BACH2: variants seen among roughly 807,000 people sequenced by gnomAD.
BACH2 encodes the protein BACH transcriptional regulator 2.
Under a neutral mutation model 61.8 loss-of-function variants are expected in BACH2, and 5 were observed. That is an observed-to-expected ratio of 0.08 (90% CI 0.04 to 0.17). The LOEUF (loss-of-function observed/expected upper bound fraction) is 0.17. Among genes scored for constraint, BACH2 ranks in the 10% least tolerant of loss-of-function variants. The pLI, the probability that BACH2 is intolerant of heterozygous loss-of-function variation, is 1.00. For synonymous variants in BACH2, 446 were observed against 440.1 expected (o/e 1.01, Z -0.17); for missense variants, 824 against 1,091.1 (o/e 0.76, Z 3.45).
intron 4 of BACH2, among the ~76,000 whole-genome samples, chr6:90,174,233 A>G (rs1266495154): frequency 6.6e-6 from 1 of 152,058 alleles, no homozygotes; most frequent in Admixed American, 6.5e-5. Context: ...ATGTGTCTAA[A>G]TTTGGGTTAT....
Position 90,039,635 on chromosome 6 carries a change from C to T in BACH2, c.-12-30779G>A, listed in dbSNP as rs938759522. Among the ~76,000 whole-genome samples the T allele has an allele frequency of 2.6e-5, 4 of 152,260 alleles. No individual in the cohort carries two copies. The South Asian group carries it at 6.2e-4, about 24-fold the overall frequency. On this transcript the variant is annotated intron_variant, in intron 5 of 8. Coordinates refer to ENST00000257749, the MANE Select transcript of BACH2 (RefSeq NM_021813.4). ...TCCTGACCTCGTGATCTGCTCGCCT[C>T]GGCCTCCCAAAATGCTGGGATTACA...
intron 6 of BACH2, among the ~76,000 whole-genome samples, chr6:89,984,134 T>C (rs748609235): frequency 1.3e-5 from 2 of 152,140 alleles, no homozygotes; most frequent in Non-Finnish European, 2.9e-5. Flanking sequence ...CCATGTCCTC[T>C]CCATAAACTA....
chr6:89,950,107 CA>C lies in BACH2; in HGVS notation c.1836+162del. 2.5e-6 allele frequency: 2 copies of C among 792,856 alleles called. No individual in the cohort carries two copies. The highest frequency in any genetic ancestry group is 4.2e-6 in the Non-Finnish European group (2 of 476,262). The allele number at this position is 792,856 out of a possible 1,614,324, so 49.1% of individuals were successfully genotyped here. On this transcript the variant is annotated intron_variant, in intron 7 of 8. Transcript: ENST00000257749. This position sits in a 1 kb window ranked among gnomAD's most constrained non-coding sequence, Gnocchi z 5.3. ...AGGACAGAAGTGGTTAATGTGGAAT[CA>C]CCTTCAGCATCCTGCCTCTGTGGAT...
intron 4 of BACH2, among the ~76,000 whole-genome samples, chr6:90,103,474 T>C (rs994112677): frequency 1.3e-5 from 2 of 152,104 alleles, no homozygotes; most frequent in African/African-American, 4.8e-5. Flanking sequence ...GAGAAACAAT[T>C]TAGAAAGAAA....
At chr6:89,987,956 A>T (rs1776333653) in intron 6 of BACH2, among the ~76,000 whole-genome samples, 1 of 152,172 alleles carries the variant, frequency 6.6e-6, no homozygotes, top group South Asian at 2.1e-4. Flanking sequence ...CACTAGCAAA[A>T]CAAAGAGAGC....
At chr6:90,042,082 C>G (rs1779563537) in intron 5 of BACH2, among the ~76,000 whole-genome samples, 1 of 152,168 alleles carries the variant, frequency 6.6e-6, no homozygotes, top group Admixed American at 6.5e-5. Context: ...AGATACTTAC[C>G]TAAACATTGC....
chr6:89,981,681 AT>A (rs1400651103), intron 6 of BACH2, among the ~76,000 whole-genome samples: 3 of 152,210 alleles, frequency 2.0e-5, no homozygotes, highest in Non-Finnish European at 4.4e-5. Flanking sequence ...CGAGAAAATA[AT>A]TCTAGTGGTA....
chr6:90,248,074 T>C (rs542251655), intron 3 of BACH2, among the ~76,000 whole-genome samples: 2 of 152,322 alleles, frequency 1.3e-5, no homozygotes, highest in South Asian at 4.1e-4. Context: ...ACTAATTTTA[T>C]TCCTCATTGT....
chr6:89,985,046 T>A (rs574869800), intron 6 of BACH2, among the ~76,000 whole-genome samples: 1 of 152,268 alleles, frequency 6.6e-6, no homozygotes, highest in Non-Finnish European at 1.5e-5. Context: ...CCTTTCCTAT[T>A]TTCCAGGGAT....
intron 4 of BACH2, among the ~76,000 whole-genome samples, chr6:90,194,060 C>T (rs761743380): frequency 2.0e-5 from 3 of 151,884 alleles, no homozygotes; most frequent in Non-Finnish European, 4.4e-5. Context: ...GCCACATAAT[C>T]CACTTAATTT....
intron 4 of BACH2, among the ~76,000 whole-genome samples, chr6:90,100,708 C>CACATACACACAG (rs879484053): frequency 7.0e-6 from 1 of 143,218 alleles, no homozygotes; most frequent in Non-Finnish European, 1.5e-5. Flanking sequence ...CACAGACACA[C>CACATACACACAG]ACACACACAC....
intron 3 of BACH2, chr6:90,218,247 G>A (rs1734168010): frequency 1.3e-5 from 2 of 152,140 alleles, no homozygotes; most frequent in Admixed American, 6.5e-5. Context: ...TTTGTTTGGT[G>A]GGTGTTGCTC....
At chr6:90,238,684 C>A (rs1445759941) in intron 3 of BACH2, among the ~76,000 whole-genome samples, 1 of 152,198 alleles carries the variant, frequency 6.6e-6, no homozygotes, top group African/African-American at 2.4e-5. Context: ...GATGGCTTTC[C>A]AACCACAGCT....
rs531602119 is a variant in BACH2, at chr6:90,006,805, T to TG, written c.243+1796dup. Among the ~76,000 whole-genome samples, 393 of 152,046 alleles carry TG rather than the reference T, an allele frequency of 2.6e-3. 2 individuals carry two copies. The highest frequency in any genetic ancestry group is 1.7e-3 in the Non-Finnish European group (115 of 67,976). On this transcript the variant is annotated intron_variant, in intron 6 of 8. Coordinates refer to ENST00000257749, the MANE Select transcript of BACH2 (RefSeq NM_021813.4). ...CTAATTTTTAAATCTTTTGTAGAGA[T>TG]GGGGGTCTCCCTATGTTGCCCAAGA...
chr6:89,943,009 G>T (rs187633095), intron 7 of BACH2, among the ~76,000 whole-genome samples: 3 of 152,132 alleles, frequency 2.0e-5, no homozygotes, highest in Non-Finnish European at 4.4e-5. Flanking sequence ...ACAGGGTCTC[G>T]CTCTGTTGCC....
intron 5 of BACH2, among the ~76,000 whole-genome samples, chr6:90,046,081 T>A (rs1408274779): frequency 6.6e-6 from 1 of 152,220 alleles, no homozygotes; most frequent in Admixed American, 6.5e-5. Context: ...CAGTATCTCA[T>A]GTCTTCCCCA....
chr6:90,017,470 C>T (rs1018148037), intron 5 of BACH2, among the ~76,000 whole-genome samples: 2 of 152,128 alleles, frequency 1.3e-5, no homozygotes, highest in South Asian at 2.1e-4. Context: ...AATCTGCGCA[C>T]CTCGGCCTCC....
At chr6:89,999,362 C>T (rs1447946227) in intron 6 of BACH2, among the ~76,000 whole-genome samples, 1 of 152,082 alleles carries the variant, frequency 6.6e-6, no homozygotes, top group Non-Finnish European at 1.5e-5. Context: ...TGAAGCCATG[C>T]TAATTGGACA....
chr6:90,248,504 G>A (rs1770706256), intron 3 of BACH2, among the ~76,000 whole-genome samples: 1 of 152,192 alleles, frequency 6.6e-6, no homozygotes, highest in South Asian at 2.1e-4. Flanking sequence ...GGGAAAGAAA[G>A]GAGAAAGCAA....
Sources: gnomAD v4.1 joint callset for allele counts (sites outside exome capture counted in the v4.1 genomes callset) on GRCh38, gnomAD v4.1.1 for gene constraint, Gnocchi (gnomAD v3.1) non-coding constraint, MANE v1.5 for transcripts, NCBI Gene and HGNC (gene_info 2026-07-23, HGNC 2026-07-21) for gene names.